Variants in E2F3 observed in about 807,000 individuals in gnomAD.
E2F3 encodes the protein E2F transcription factor 3.
E2F3 carries 11 observed loss-of-function variants against 44.4 expected under a neutral mutation model. The ratio of observed to expected loss-of-function variants is 0.25; its 90% CI spans 0.16 to 0.41. The LOEUF (loss-of-function observed/expected upper bound fraction) is 0.41, where lower values mean the gene tolerates loss of function less well. E2F3 is among the 10% of genes least tolerant of loss of function. The pLI is 1.00. For missense variants in E2F3, 487 were observed against 583.6 expected, an observed-to-expected ratio of 0.83 and a Z score of 1.70; for synonymous variants, 249 against 253.0, an observed-to-expected ratio of 0.98 and a Z score of 0.15.
chr6:20,454,868 A>G (rs545750184), intron 1 of E2F3, among the ~76,000 whole-genome samples: 2 of 152,320 alleles, frequency 1.3e-5, no homozygotes, highest in East Asian at 1.9e-4. Context: ...TCAGAGCAGT[A>G]GTTCTAAAGT....
In E2F3 at chr6:20,482,753, G is replaced by A. The variant is rs746385502; in HGVS notation, c.726-9G>A. On this transcript the variant is annotated splice_polypyrimidine_tract_variant and intron_variant, in intron 3 of 6. Coordinates refer to ENST00000346618, the MANE Select transcript of E2F3 (RefSeq NM_001949.5). Reference sequence around the variant, plus strand: ...AGTAGCCATGAAGAGTCTGTGTTTGGGTTTCTAGGGGCTGCAGTCTGTCTG... The same window carrying A: ...AGTAGCCATGAAGAGTCTGTGTTTGAGTTTCTAGGGGCTGCAGTCTGTCTG... The A allele has an allele frequency of 2.8e-5, 45 of 1,591,280 alleles. No individual in the cohort carries two copies. Among genetic ancestry groups the A allele is most frequent in the Non-Finnish European group, 3.8e-5 (44 of 1,169,374 alleles).
intron 1 of E2F3, chr6:20,438,092 G>A (rs999839437): frequency 6.6e-6 from 1 of 151,662 alleles, no homozygotes; most frequent in African/African-American, 2.4e-5. Context: ...GAAGACTTGG[G>A]TTCAAGTTTC....
chr6:20,478,255 G>A (rs1762109782), intron 1 of E2F3, among the ~76,000 whole-genome samples: 1 of 152,072 alleles, frequency 6.6e-6, no homozygotes, highest in Non-Finnish European at 1.5e-5. Context: ...TCAAGGGTCA[G>A]TTGTATTTTA....
intron 1 of E2F3, among the ~76,000 whole-genome samples, chr6:20,426,547 CT>C (rs5874768): frequency 0.84 from 127,934 of 152,192 alleles, 54,745 homozygotes; most frequent in East Asian, 0.93. Context: ...GCTGAAATAT[CT>C]TATTCCATTC....
In E2F3 at chr6:20,402,304, C is replaced by G. The variant is rs1175319525; in HGVS notation, c.72C>G (p.Val24=). The G allele has an allele frequency of 1.2e-6, 2 of 1,607,422 alleles. No individual in the cohort carries two copies. Among genetic ancestry groups the G allele is most frequent in the Non-Finnish European group, 1.7e-6 (2 of 1,178,248 alleles). Residue 24 remains valine, a synonymous_variant, in exon 1 of 7, where the codon GTC becomes GTG. Transcript: ENST00000346618. The surrounding 1 kb of genome is among the most constrained non-coding windows in gnomAD (Gnocchi z 5.6). ...CCGGGGGTGGGGAGGGGGCGGCTGT[C>G]GTCGCCGCCGCCGCTGCAGCCTCCA... ...VTAGGGEGAA[V]VAAAAAASMD... is the part of the protein sequence containing the mutation.
At chr6:20,410,782 C>A (rs1191999080) in intron 1 of E2F3, among the ~76,000 whole-genome samples, 3 of 152,156 alleles carry the variant, frequency 2.0e-5, no homozygotes, top group Non-Finnish European at 2.9e-5. Flanking sequence ...CCACGCCCAG[C>A]TAATTTTATT....
At chr6:20,418,511 C>G (rs764441384) in intron 1 of E2F3, among the ~76,000 whole-genome samples, 32 of 152,188 alleles carry the variant, frequency 2.1e-4, no homozygotes, top group Admixed American at 7.2e-4. Context: ...ATTTACTGAT[C>G]TGGAGGGCGG....
rs1278275533 is a variant in E2F3, at chr6:20,492,964, G to C, written c.*2534G>C. On this transcript the variant is annotated 3_prime_UTR_variant, in exon 7 of 7. Coordinates refer to ENST00000346618, the MANE Select transcript of E2F3 (RefSeq NM_001949.5). ...CACACGAAATGGCTAAAAGTTACAA[G>C]TGTGCAAATTATGACTGCGTGAGCC... 4.6e-6 allele frequency: 1 copy of C among 215,764 alleles called. No individual in the cohort carries two copies. The highest frequency in any genetic ancestry group is 9.4e-6 in the Non-Finnish European group (1 of 106,916). The allele number at this position is 215,764 out of a possible 1,614,324, so 13.4% of individuals were successfully genotyped here.
intron 1 of E2F3, among the ~76,000 whole-genome samples, chr6:20,426,645 C>T (rs768555510): frequency 3.9e-5 from 6 of 152,212 alleles, no homozygotes; most frequent in African/African-American, 1.4e-4. Flanking sequence ...CAGGGCTGTG[C>T]TGTTGGTGAC....
chr6:20,413,685 A>G (rs1275931516), intron 1 of E2F3, among the ~76,000 whole-genome samples: 1 of 152,184 alleles, frequency 6.6e-6, no homozygotes, highest in African/African-American at 2.4e-5. Flanking sequence ...CTGCCTTAAC[A>G]GTAGGAAGGC....
intron 1 of E2F3, among the ~76,000 whole-genome samples, chr6:20,461,064 T>G (rs1436419018): frequency 7.0e-6 from 1 of 142,318 alleles, no homozygotes; most frequent in Non-Finnish European, 1.5e-5. Flanking sequence ...CAGGTAATCC[T>G]CCAAAATAGT....
At chr6:20,422,448 C>G (rs143598939) in intron 1 of E2F3, among the ~76,000 whole-genome samples, 127 of 152,240 alleles carry the variant, frequency 8.3e-4, no homozygotes, top group African/African-American at 2.9e-3. Flanking sequence ...TCATGGAGTA[C>G]CATGTTTAAT....
intron 1 of E2F3, among the ~76,000 whole-genome samples, chr6:20,406,971 T>C (rs1183239725): frequency 6.6e-6 from 1 of 152,180 alleles, no homozygotes; most frequent in East Asian, 1.9e-4. Flanking sequence ...TCTAGAAAAT[T>C]TGGGATTTAA....
At chr6:20,426,122 G>C (rs999412255) in intron 1 of E2F3, among the ~76,000 whole-genome samples, 1 of 152,144 alleles carries the variant, frequency 6.6e-6, no homozygotes, top group Non-Finnish European at 1.5e-5. Context: ...ATAGTTGTGC[G>C]GAAATACTAC....
chr6:20,412,140 AAAC>A (rs1395459540), intron 1 of E2F3, among the ~76,000 whole-genome samples: 1 of 152,190 alleles, frequency 6.6e-6, no homozygotes, highest in Non-Finnish European at 1.5e-5. Context: ...GGTAGGGAGA[AAAC>A]AAGACTCATC....
At chr6:20,487,002 C>T (rs1159577480) in intron 5 of E2F3, among the ~76,000 whole-genome samples, 199 bp downstream of exon 5, 6 of 152,196 alleles carry the variant, frequency 3.9e-5, no homozygotes, top group African/African-American at 1.4e-4. Flanking sequence ...CTAACTTTGA[C>T]CTAGCAGGAT....
chr6:20,480,177 CTGTA>C (rs1762174908), intron 2 of E2F3: 1 of 594,168 alleles, frequency 1.7e-6, no homozygotes, highest in Non-Finnish European at 2.1e-6. Context: ...CTTCTTTTAA[CTGTA>C]TGTAGTTTCA....
rs559478876 is a variant in E2F3, at chr6:20,458,469, T to G, written c.394-21377T>G. Among the ~76,000 whole-genome samples, 88 of 152,280 alleles carry G rather than the reference T, an allele frequency of 5.8e-4. 1 individual carries two copies. The highest frequency in any genetic ancestry group is 1.2e-3 in the Non-Finnish European group (79 of 68,012). ...TCTCTGCACCTCCCTCCCAGACCAT[T>G]TCTCCACTTCCTCAGCCTTAGAAAA... is the stretch of plus-strand genomic sequence containing the variant. On this transcript the variant is annotated intron_variant, in intron 1 of 6. Transcript: ENST00000346618.
Position 20,402,283 on chromosome 6 carries a change from G to C in E2F3, c.51G>C (p.Gly17=). 2 of 1,608,632 alleles carry C rather than the reference G, an allele frequency of 1.2e-6. No homozygotes were observed. ...PALEQYLVTA[G]GGEGAAVVAA... ...TGGAGCAGTACCTGGTGACCGCCGG[G>C]GGTGGGGAGGGGGCGGCTGTCGTCG... Residue 17 remains glycine, a synonymous_variant, in exon 1 of 7, where the codon GGG becomes GGC. Transcript: ENST00000346618. This position sits in a 1 kb window ranked among gnomAD's most constrained non-coding sequence, Gnocchi z 5.6.
Sources: allele counts gnomAD v4.1 joint callset (sites outside exome capture counted in the v4.1 genomes callset), GRCh38; gene constraint gnomAD v4.1.1; non-coding constraint Gnocchi (gnomAD v3.1); transcripts MANE v1.5; gene names NCBI Gene and HGNC (gene_info 2026-07-23, HGNC 2026-07-21).